The following GABRR3 variants were observed in gnomAD, a reference collection of about 807,000 sequenced individuals.
GABRR3 encodes the protein gamma-aminobutyric acid type A receptor subunit rho3, also known as gamma-aminobutyric acid receptor subunit rho-3.
A neutral mutation model predicts 43.2 loss-of-function variants in GABRR3; 29 were observed. The observed-to-expected ratio is 0.67, with a 90% CI of 0.50 to 0.92. GABRR3 has a LOEUF of 0.92. Among genes scored for constraint, GABRR3 ranks in the 40% least tolerant of loss-of-function variants. GABRR3 has a pLI of 0.00. For missense variants in GABRR3, 576 were observed against 572.3 expected, an observed-to-expected ratio of 1.01 and a Z score of -0.07; for synonymous variants, 206 against 195.9, an observed-to-expected ratio of 1.05 and a Z score of -0.43.
chr3:97,989,317 T>A, intron 9 of GABRR3, among the ~76,000 whole-genome samples: 1 of 148,946 alleles, frequency 6.7e-6, no homozygotes, highest in East Asian at 2.0e-4. Context: ...AGGTGGTAAG[T>A]GGTGGTTGGT....
chr3:98,007,743 C>A (rs776680989), intron 7 of GABRR3, 21 bp downstream of exon 7: 1 of 1,612,404 alleles, frequency 6.2e-7, no homozygotes, highest in South Asian at 1.1e-5. Context: ...GCTGATGAAT[C>A]ACCCATGTAA....
At position 98,007,972 on chromosome 3, in the gene GABRR3, A is replaced by C. The variant is rs979987935; in HGVS notation, c.614-68T>G. Reference sequence around the variant, plus strand: ...TGTAAGCTCAATGAGTTCTATAACCATGTCTTATGTGGCTCTGTATCCTTA... The same window carrying C: ...TGTAAGCTCAATGAGTTCTATAACCCTGTCTTATGTGGCTCTGTATCCTTA... On this transcript the variant is annotated intron_variant, in intron 6 of 9. Coordinates refer to ENST00000621172, the Ensembl canonical transcript of GABRR3. 1.6e-5 allele frequency: 21 copies of C among 1,313,106 alleles called. 1 individual carries two copies. In the African/African-American group the frequency reaches 3.1e-4, roughly 20 times the overall value. The allele number at this position is 1,313,106 out of a possible 1,614,324, so 81.3% of individuals were successfully genotyped here.
chr3:97,998,167 A>C (rs1049171587), intron 8 of GABRR3: 1 of 152,214 alleles, frequency 6.6e-6, no homozygotes. Flanking sequence ...AGGCAATTGC[A>C]TGAAGATAGT....
chr3:98,033,548 A>G (rs1707117308), intron 2 of GABRR3, among the ~76,000 whole-genome samples: 1 of 152,238 alleles, frequency 6.6e-6, no homozygotes, highest in Non-Finnish European at 1.5e-5. Context: ...TGAATTAGCT[A>G]CTATAGTCAT....
downstream of GABRR3, among the ~76,000 whole-genome samples, chr3:97,986,486 T>C (rs1161459297): frequency 6.6e-6 from 1 of 152,202 alleles, no homozygotes; most frequent in African/African-American, 2.4e-5. Context: ...TGCCTATGAC[T>C]CTTATTTATG....
chr3:97,987,044 T>C (rs987168947), intron 9 of GABRR3, 62 bp from the exon 10 acceptor site: 18 of 1,065,780 alleles, frequency 1.7e-5, no homozygotes, highest in Non-Finnish European at 2.3e-5. Context: ...GGAATTATGG[T>C]AAATAATGTT....
intron 5 of GABRR3, 132 bp from the exon 6 acceptor site, chr3:98,009,170 T>C: frequency 1.7e-6 from 1 of 580,116 alleles, no homozygotes; most frequent in Middle Eastern, 2.7e-4. Flanking sequence ...ACAGGCAGTA[T>C]TATCTTCTGT....
intron 3 of GABRR3, among the ~76,000 whole-genome samples, chr3:98,018,290 A>T (rs1421966554): frequency 6.6e-6 from 1 of 152,236 alleles, no homozygotes; most frequent in Non-Finnish European, 1.5e-5. Flanking sequence ...ACAGTGCCAC[A>T]CAGGGACAAC....
chr3:97,995,089 C>T (rs1338812828), intron 8 of GABRR3, among the ~76,000 whole-genome samples: 2 of 152,100 alleles, frequency 1.3e-5, no homozygotes, highest in African/African-American at 4.8e-5. Context: ...AGTGATTCTC[C>T]TGCCTCAGCC....
intron 6 of GABRR3, 94 bp from the exon 7 acceptor site, chr3:98,007,998 G>A: frequency 2.0e-6 from 2 of 1,003,818 alleles, no homozygotes; most frequent in South Asian, 3.5e-5. Flanking sequence ...TGTATCCTTA[G>A]TGCCTACTCC....
At chr3:98,004,691 A>C (rs1192303291) in intron 7 of GABRR3, among the ~76,000 whole-genome samples, 11 of 151,318 alleles carry the variant, frequency 7.3e-5, no homozygotes, top group Non-Finnish European at 5.9e-5. Context: ...AAAAAAAAAA[A>C]CACCCTGTTG....
At chr3:98,025,516 T>G (rs1707001330) in intron 3 of GABRR3, 51 bp downstream of exon 3, 2 of 1,240,778 alleles carry the variant, frequency 1.6e-6, no homozygotes, top group African/African-American at 1.5e-5. Flanking sequence ...TTCACCTCCA[T>G]TTTGACAGTG....
chr3:98,009,729 C>A (rs930033980), intron 5 of GABRR3, among the ~76,000 whole-genome samples: 1 of 152,130 alleles, frequency 6.6e-6, no homozygotes, highest in African/African-American at 2.4e-5. Context: ...TCATAAAGGG[C>A]CCCTGAGCAG....
At chr3:98,020,980 G>A (rs1249440894) in intron 3 of GABRR3, among the ~76,000 whole-genome samples, 1 of 150,540 alleles carries the variant, frequency 6.6e-6, no homozygotes, top group East Asian at 2.0e-4. Context: ...TCTGGCCTCA[G>A]CCTCCTGAGG....
intron 9 of GABRR3, 107 bp from the exon 10 acceptor site, chr3:97,987,089 A>T: frequency 2.7e-6 from 2 of 749,924 alleles, no homozygotes; most frequent in Non-Finnish European, 4.2e-6. Context: ...GAACAGCAAG[A>T]TAGGCCAATT....
At chr3:98,016,235 A>T (rs568177026) in intron 4 of GABRR3, among the ~76,000 whole-genome samples, 7 of 152,282 alleles carry the variant, frequency 4.6e-5, no homozygotes, top group Admixed American at 4.6e-4. Flanking sequence ...TTAGGTCTTG[A>T]CGGCAGATCC....
chr3:97,986,209 A>G (rs1393071371), downstream of GABRR3, among the ~76,000 whole-genome samples: 1 of 152,178 alleles, frequency 6.6e-6, no homozygotes, highest in African/African-American at 2.4e-5. Flanking sequence ...CTGGAGAAGG[A>G]GATTGGAGAT....
intron 6 of GABRR3, among the ~76,000 whole-genome samples, chr3:98,008,738 TC>T (rs869218029): frequency 4.7e-4 from 27 of 57,896 alleles, no homozygotes; most frequent in Non-Finnish European, 9.9e-4. Context: ...AAAACACTTT[TC>T]CCCTGAACCT....
intron 3 of GABRR3, 61 bp downstream of exon 3, chr3:98,025,506 T>G (rs1205353393): frequency 8.8e-7 from 1 of 1,139,178 alleles, no homozygotes; most frequent in African/African-American, 1.6e-5. Flanking sequence ...GTTTTAAATT[T>G]TCACCTCCAT....
Sources: gnomAD v4.1 joint callset for allele counts (sites outside exome capture counted in the v4.1 genomes callset) on GRCh38, gnomAD v4.1.1 for gene constraint, MANE v1.5 for transcripts, NCBI Gene and HGNC (gene_info 2026-07-23, HGNC 2026-07-21) for gene names.